The following KAZN variants were observed in gnomAD, a reference collection of about 807,000 sequenced individuals.
KAZN encodes kazrin.
A neutral mutation model predicts 87.4 loss-of-function variants in KAZN; 40 were observed. The observed-to-expected ratio is 0.46, with a 90% CI of 0.36 to 0.60. The LOEUF (loss-of-function observed/expected upper bound fraction) is 0.60. Among genes scored for constraint, KAZN ranks in the 20% least tolerant of loss-of-function variants. KAZN has a pLI of 0.00. For missense variants in KAZN, 898 were observed against 1,073.9 expected (o/e 0.84, Z 2.29); for synonymous variants, 466 against 458.3 (o/e 1.02, Z -0.22).
In KAZN at chr1:14,486,276, T is replaced by G. The variant is rs185417800; in HGVS notation, c.250-112707T>G. 9.9e-5 allele frequency among the ~76,000 whole-genome samples: 15 copies of G among 152,268 alleles called. 1 individual carries two copies. Among genetic ancestry groups the G allele is most frequent in the Admixed American group, 7.2e-4 (11 of 15,300 alleles). ...CATCCAGGTTTGACTTGGATGAAAGTTTGAAAGCTCTCCCTTTACTGTTCC... is the reference window on the plus strand; with the variant it reads ...CATCCAGGTTTGACTTGGATGAAAGGTTGAAAGCTCTCCCTTTACTGTTCC... On this transcript the variant is annotated intron_variant, in intron 2 of 16. Transcript: ENST00000636203.
At chr1:14,279,364 C>T (rs950653882) in intron 2 of KAZN, among the ~76,000 whole-genome samples, 1 of 152,188 alleles carries the variant, frequency 6.6e-6, no homozygotes, top group Non-Finnish European at 1.5e-5. Flanking sequence ...CTTTCTGCCT[C>T]TCCACCCTCA....
intron 4 of KAZN, among the ~76,000 whole-genome samples, chr1:15,050,652 A>G (rs74059806): frequency 0.16 from 23,657 of 152,070 alleles, 3,727 homozygotes; most frequent in African/African-American, 0.41. Flanking sequence ...CCTGGCCACC[A>G]CCTTCTTGGA....
At chr1:14,775,170 C>T (rs933638473) in intron 1 of KAZN, among the ~76,000 whole-genome samples, 2 of 152,330 alleles carry the variant, frequency 1.3e-5, no homozygotes, top group Middle Eastern at 3.4e-3. Flanking sequence ...AGGTATGATC[C>T]CATTTTACAG....
intron 1 of KAZN, among the ~76,000 whole-genome samples, chr1:14,178,951 T>C (rs1646139269): frequency 6.6e-6 from 1 of 152,216 alleles, no homozygotes. Context: ...CTGGCCCTTC[T>C]GGAGTCTCTA....
rs1639171837 is a variant in KAZN at position 15,065,702 on chromosome 1, G to A, written c.1171G>A (p.Val391Ile). Residue 391 changes from valine to isoleucine, a missense_variant, in exon 8 of 15, where the codon GTC (valine) becomes ATC (isoleucine). By Grantham distance (29) the Val-to-Ile change is conservative. Transcript: ENST00000376030. ...EKMGFGSISR[V>I]FARGKQRKSL... ...GATGGGATTCGGCTCCATCTCCCGC[G>A]TCTTCGCCAGAGGGAAGCAGCGGAA... is the stretch of plus-strand genomic sequence containing the variant. 3 of 1,614,208 alleles carry A rather than the reference G, an allele frequency of 1.9e-6. No homozygotes were observed. The highest frequency in any genetic ancestry group is 1.1e-5 in the South Asian group (1 of 91,086).
At chr1:13,964,547 G>C (rs779967319) in intron 1 of KAZN, among the ~76,000 whole-genome samples, 3 of 152,164 alleles carry the variant, frequency 2.0e-5, no homozygotes, top group Non-Finnish European at 4.4e-5. Context: ...GGTTGGTCTA[G>C]GATGGCCTCA....
At chr1:14,124,261 G>A (rs1025471000) in intron 1 of KAZN, 5 of 152,184 alleles carry the variant, frequency 3.3e-5, no homozygotes, top group Admixed American at 3.3e-4. Context: ...ACGAATTGGT[G>A]TAACATTCTT....
intron 1 of KAZN, among the ~76,000 whole-genome samples, chr1:13,999,844 T>C (rs1273339863): frequency 2.6e-5 from 4 of 151,648 alleles, no homozygotes; most frequent in African/African-American, 9.7e-5. Context: ...ATAGACACAA[T>C]AAAAAATGAT....
intron 1 of KAZN, among the ~76,000 whole-genome samples, chr1:14,611,505 A>G (rs915262513): frequency 6.6e-6 from 1 of 152,110 alleles, no homozygotes; most frequent in Non-Finnish European, 1.5e-5. Context: ...TGGCCAGTAT[A>G]GTGAGACGCT....
intron 2 of KAZN, among the ~76,000 whole-genome samples, chr1:14,550,053 C>T (rs1193028350): frequency 6.6e-6 from 1 of 152,162 alleles, no homozygotes; most frequent in Non-Finnish European, 1.5e-5. Context: ...TTTCTGGTTC[C>T]GTTGACAACA....
intron 2 of KAZN, among the ~76,000 whole-genome samples, chr1:14,978,983 C>A (rs1465410476): frequency 6.6e-6 from 1 of 151,948 alleles, no homozygotes; most frequent in Non-Finnish European, 1.5e-5. Flanking sequence ...CGGCTCACTG[C>A]AATCTCCATC....
At chr1:14,196,471 C>A (rs1002210811) in intron 2 of KAZN, among the ~76,000 whole-genome samples, 3 of 151,704 alleles carry the variant, frequency 2.0e-5, no homozygotes, top group African/African-American at 7.3e-5. Context: ...TTAGATGATG[C>A]CAAGAAATTT....
At chr1:14,334,992 T>C (rs1402310467) in intron 2 of KAZN, among the ~76,000 whole-genome samples, 1 of 151,848 alleles carries the variant, frequency 6.6e-6, no homozygotes, top group Non-Finnish European at 1.5e-5. Flanking sequence ...GACACTGATA[T>C]GGTTTAGGTG....
intron 1 of KAZN, among the ~76,000 whole-genome samples, chr1:14,142,621 G>T (rs1419730130): frequency 1.3e-5 from 2 of 152,226 alleles, no homozygotes; most frequent in African/African-American, 2.4e-5. Context: ...GCCTGAAAGC[G>T]CTGTAGCCTT....
chr1:14,644,095 T>G (rs1031807139), intron 1 of KAZN, among the ~76,000 whole-genome samples: 13 of 133,858 alleles, frequency 9.7e-5, no homozygotes, highest in Non-Finnish European at 2.0e-4. Flanking sequence ...CACTGCAACC[T>G]CCACCTCTCG....
intron 2 of KAZN, among the ~76,000 whole-genome samples, chr1:14,446,102 T>G (rs1389671385): frequency 1.3e-5 from 2 of 151,964 alleles, no homozygotes; most frequent in Non-Finnish European, 2.9e-5. Context: ...AGACTGAGGC[T>G]GGAGGATTAC....
At chr1:14,793,703 A>G (rs866614818) in intron 1 of KAZN, among the ~76,000 whole-genome samples, 5 of 152,102 alleles carry the variant, frequency 3.3e-5, no homozygotes, top group Non-Finnish European at 7.3e-5. Flanking sequence ...GAGACAGATC[A>G]GAACAGGGCC....
At chr1:14,374,246 T>C (rs1660723946) in intron 2 of KAZN, among the ~76,000 whole-genome samples, 1 of 152,212 alleles carries the variant, frequency 6.6e-6, no homozygotes, top group African/African-American at 2.4e-5. Flanking sequence ...ACACCTCACA[T>C]GGACCACTCA....
At chr1:14,080,213 G>A (rs1040967535) in intron 1 of KAZN, among the ~76,000 whole-genome samples, 1 of 100,178 alleles carries the variant, frequency 1.0e-5, no homozygotes, top group Admixed American at 9.7e-5. Flanking sequence ...ATGTTCATTG[G>A]AAATACCCAA....
Sources: gnomAD v4.1 joint callset for allele counts (sites outside exome capture counted in the v4.1 genomes callset) on GRCh38, gnomAD v4.1.1 for gene constraint, MANE v1.5 for transcripts, NCBI Gene and HGNC (gene_info 2026-07-23, HGNC 2026-07-21) for gene names.